The following GSE1 variants were observed in gnomAD, a reference collection of about 807,000 sequenced individuals.
GSE1 encodes genetic suppressor element 1.
Under a neutral mutation model 112.6 loss-of-function variants are expected in GSE1, and 32 were observed. That is an observed-to-expected ratio of 0.28 (90% CI 0.21 to 0.38). The LOEUF (loss-of-function observed/expected upper bound fraction) is 0.38, where lower values mean the gene tolerates loss of function less well. Among genes scored for constraint, GSE1 ranks in the 10% least tolerant of loss-of-function variants. The pLI is 1.00. For synonymous variants in GSE1, 1,115 were observed against 735.6 expected (o/e 1.52, Z -8.35); for missense variants, 2,348 against 1,699.2 (o/e 1.38, Z -6.71).
At chr16:85,665,830 G>T in intron 12 of GSE1, 146 bp from the exon 13 acceptor site, 1 of 693,344 alleles carries the variant, frequency 1.4e-6, no homozygotes, top group Non-Finnish European at 2.5e-6. Context: ...CCATGTGCGC[G>T]GCGGTTACTT....
intron 2 of GSE1, among the ~76,000 whole-genome samples, chr16:85,495,470 T>C (rs1405515706): frequency 2.7e-5 from 4 of 147,384 alleles, no homozygotes; most frequent in Non-Finnish European, 4.4e-5. Context: ...TATTTATTTA[T>C]TTATTTGTGT....
chr16:85,552,126 C>T (rs1472050433), upstream of GSE1, among the ~76,000 whole-genome samples: 6 of 152,002 alleles, frequency 3.9e-5, no homozygotes, highest in South Asian at 1.2e-3. Flanking sequence ...TCAGGGTTCA[C>T]ACCATTCTCT....
chr16:85,176,542 C>CTGCTGCAT (rs1450052959), intron 1 of GSE1, among the ~76,000 whole-genome samples: 1 of 152,246 alleles, frequency 6.6e-6, no homozygotes, highest in Non-Finnish European at 1.5e-5. Flanking sequence ...GAGCTCCCGT[C>CTGCTGCAT]GAAGATGGGT....
intron 1 of GSE1, among the ~76,000 whole-genome samples, chr16:85,266,459 C>G (rs1335636543): frequency 2.0e-5 from 3 of 152,124 alleles, no homozygotes; most frequent in Non-Finnish European, 4.4e-5. Context: ...AGGGCTGGCA[C>G]CGAGGGTCTC....
rs569922009 is a variant in GSE1, at chr16:85,660,640, G to GT, written c.1641-498dup. On this transcript the variant is annotated intron_variant, in intron 8 of 15. Coordinates refer to ENST00000253458, the MANE Select transcript of GSE1 (RefSeq NM_014615.5). Reference sequence around the variant, plus strand: ...GGTGACAGAGTGAGTCTTTTTTTTTGTTTTTTTTGAGACGGAGTCTTGCTC... The same window carrying GT: ...GGTGACAGAGTGAGTCTTTTTTTTTGTTTTTTTTTGAGACGGAGTCTTGCTC... Among the ~76,000 whole-genome samples the GT allele has an allele frequency of 1.1e-3, 157 of 147,996 alleles. 3 individuals carry two copies. Among genetic ancestry groups the GT allele is most frequent in the Middle Eastern group, 3.4e-3 (1 of 294 alleles).
At chr16:85,288,281 CT>C (rs2045101520) in intron 1 of GSE1, among the ~76,000 whole-genome samples, 1 of 152,180 alleles carries the variant, frequency 6.6e-6, no homozygotes. Flanking sequence ...CTCAGCCCCC[CT>C]ACGCACTTTG....
intron 1 of GSE1, among the ~76,000 whole-genome samples, chr16:85,588,277 G>A (rs1442296231): frequency 6.6e-6 from 1 of 152,226 alleles, no homozygotes; most frequent in East Asian, 1.9e-4. Context: ...TCGGCCACCA[G>A]CCTGGCCGCT....
At chr16:85,215,124 A>AAGTGGTTAAAGAGCTTTGACTC (rs2075287326) in intron 1 of GSE1, among the ~76,000 whole-genome samples, 1 of 152,192 alleles carries the variant, frequency 6.6e-6, no homozygotes, top group East Asian at 1.9e-4. Flanking sequence ...GCCAGAAGTT[A>AAGTGGTTAAAGAGCTTTGACTC]AGTGGTTAAA....
chr16:85,519,740 C>CAGTCTCCATCACTGTCATCAT (rs2052114813), intron 2 of GSE1, among the ~76,000 whole-genome samples: 1 of 77,304 alleles, frequency 1.3e-5, no homozygotes, highest in African/African-American at 5.0e-5. Context: ...ACCATCACCA[C>CAGTCTCCATCACTGTCATCAT]CATCAGCATC....
chr16:85,187,317 T>C lies in GSE1; in HGVS notation c.2283+15510T>C, dbSNP rs77311905. On this transcript the variant is annotated intron_variant, in intron 1 of 2. Transcript: ENST00000637419. ...AGCCCCGCAGCTCGGGAGCCTTGGC[T>C]GGTGGAAGGGACAGAGCGACGCTGG... is the stretch of plus-strand genomic sequence containing the variant. 8.3e-3 allele frequency among the ~76,000 whole-genome samples: 1,264 copies of C among 152,320 alleles called. 15 individuals are homozygous for C. Among genetic ancestry groups the C allele is most frequent in the African/African-American group, 0.026 (1,090 of 41,574 alleles).
At chr16:85,297,176 T>C (rs533637473) in intron 1 of GSE1, among the ~76,000 whole-genome samples, 1 of 152,336 alleles carries the variant, frequency 6.6e-6, no homozygotes, top group African/African-American at 2.4e-5. Flanking sequence ...GAGACGGCGC[T>C]TCCTCTTCCC....
At chr16:85,184,207 G>T (rs2074653603) in intron 1 of GSE1, among the ~76,000 whole-genome samples, 1 of 152,156 alleles carries the variant, frequency 6.6e-6, no homozygotes, top group African/African-American at 2.4e-5. Context: ...GACCCCATTT[G>T]TGACTCAGGC....
At chr16:85,322,381 G>C (rs574657977) in intron 1 of GSE1, among the ~76,000 whole-genome samples, 46 of 152,256 alleles carry the variant, frequency 3.0e-4, no homozygotes, top group African/African-American at 1.1e-3. Context: ...TGGAAATATT[G>C]TAACTGGCCA....
intron 2 of GSE1, among the ~76,000 whole-genome samples, chr16:85,641,280 C>G (rs1301697991): frequency 1.3e-5 from 2 of 152,268 alleles, no homozygotes; most frequent in Non-Finnish European, 2.9e-5. Context: ...GGTCCAGCAT[C>G]TAAGCTCACG....
At chr16:85,502,045 G>A (rs528704632) in intron 2 of GSE1, among the ~76,000 whole-genome samples, 1 of 152,180 alleles carries the variant, frequency 6.6e-6, no homozygotes, top group Non-Finnish European at 1.5e-5. Flanking sequence ...GGAAGATCCC[G>A]GGAGGAGGGG....
chr16:85,243,536 C>T (rs561722695), intron 1 of GSE1, among the ~76,000 whole-genome samples: 1 of 152,344 alleles, frequency 6.6e-6, no homozygotes, highest in South Asian at 2.1e-4. Context: ...CACATGCCCT[C>T]CTGGAAGGCG....
At chr16:85,616,259 G>A (rs2048365663) in intron 1 of GSE1, among the ~76,000 whole-genome samples, 1 of 152,382 alleles carries the variant, frequency 6.6e-6, no homozygotes, top group Admixed American at 6.5e-5. Context: ...AGGCGGACTG[G>A]GGGGCCTTTG....
intron 2 of GSE1, among the ~76,000 whole-genome samples, chr16:85,525,373 G>A (rs1320751367): frequency 6.6e-6 from 1 of 152,224 alleles, no homozygotes; most frequent in East Asian, 1.9e-4. Flanking sequence ...GGGCGGCTGT[G>A]GGAGAGCAGC....
chr16:85,445,448 G>A (rs2049486634), intron 2 of GSE1, among the ~76,000 whole-genome samples: 1 of 152,206 alleles, frequency 6.6e-6, no homozygotes, highest in South Asian at 2.1e-4. Context: ...GAGGGGGGGC[G>A]GCCAGTCCCC....
Sources: allele counts gnomAD v4.1 joint callset (sites outside exome capture counted in the v4.1 genomes callset), GRCh38; gene constraint gnomAD v4.1.1; transcripts MANE v1.5; gene names NCBI Gene and HGNC (gene_info 2026-07-23, HGNC 2026-07-21).